Variants in ANKRD22 observed in about 807,000 individuals in gnomAD.
The protein encoded by ANKRD22 is ankyrin repeat domain-containing protein 22.
ANKRD22 carries 24 observed loss-of-function variants against 25.7 expected under a neutral mutation model. The ratio of observed to expected loss-of-function variants is 0.93; its 90% CI spans 0.68 to 1.31. ANKRD22 has a LOEUF of 1.31. ANKRD22 is among the 50% of genes most tolerant of loss of function. The pLI is 0.00. For missense variants in ANKRD22, 214 were observed against 227.1 expected (o/e 0.94, Z 0.37); for synonymous variants, 84 against 84.3 (o/e 1.00, Z 0.02).
chr10:88,851,354 T>G (rs1444841556), intron 1 of ANKRD22, among the ~76,000 whole-genome samples: 3 of 152,208 alleles, frequency 2.0e-5, no homozygotes, highest in African/African-American at 7.2e-5. Context: ...GTGTATTATA[T>G]TCATCTCAAC....
chr10:88,820,670 T>C lies in ANKRD22; in HGVS notation c.*2271A>G. On this transcript the variant is annotated 3_prime_UTR_variant, in exon 6 of 6. Coordinates refer to ENST00000371930, the MANE Select transcript of ANKRD22 (RefSeq NM_144590.3). ...TTTTTTTTCTGTAAATTAAAGTACT[T>C]ATTAGGTAAATAGAGGTTTTGTATG... 1 of 661,684 alleles carries C rather than the reference T, an allele frequency of 1.5e-6. No individual in the cohort carries two copies. Among genetic ancestry groups the C allele is most frequent in the Non-Finnish European group, 2.5e-6 (1 of 398,174 alleles). The allele number at this position is 661,684 out of a possible 1,614,324, so 41.0% of individuals were successfully genotyped here.
chr10:88,820,155 A>G lies in ANKRD22; in HGVS notation c.*2786T>C. 1 of 1,193,732 alleles carries G rather than the reference A, an allele frequency of 8.4e-7. No homozygotes were observed. The highest frequency in any genetic ancestry group is 1.2e-6 in the Non-Finnish European group (1 of 862,022). 73.9% of individuals were successfully genotyped at this position (1,193,732 alleles called of 1,614,324 possible). ...CACCACAACAGATGGCATGTTTATT[A>G]TGTCTATTTGAAACATAAATTATGA... On this transcript the variant is annotated 3_prime_UTR_variant, in exon 6 of 6. Coordinates refer to ENST00000371930, the MANE Select transcript of ANKRD22 (RefSeq NM_144590.3).
At chr10:88,830,709 C>T (rs1285141853) in intron 2 of ANKRD22, among the ~76,000 whole-genome samples, 1 of 152,178 alleles carries the variant, frequency 6.6e-6, no homozygotes, top group Non-Finnish European at 1.5e-5. Context: ...TCCTCTTCTG[C>T]AAAGCGGAGA....
Position 88,828,310 on chromosome 10 carries a change from G to A in ANKRD22, c.321+249C>T, listed in dbSNP as rs1843873480. On this transcript the variant is annotated intron_variant, in intron 3 of 5. Coordinates refer to ENST00000371930, the MANE Select transcript of ANKRD22 (RefSeq NM_144590.3). ...TCCCTTCAGAAAAGTCTTAGTTAAG[G>A]TTAAATTATTTTTCTAAATCAACAT... Among the ~76,000 whole-genome samples, 2 of 152,092 alleles carry A rather than the reference G, an allele frequency of 1.3e-5. 1 individual carries two copies. The highest frequency in any genetic ancestry group is 4.1e-4 in the South Asian group (2 of 4,822).
chr10:88,839,298 T>C (rs1211788107), intron 1 of ANKRD22, among the ~76,000 whole-genome samples: 1 of 152,144 alleles, frequency 6.6e-6, no homozygotes, highest in Admixed American at 6.6e-5. Flanking sequence ...CACTAATTGG[T>C]ATTGAAATGG....
rs1312804973 is a variant in ANKRD22, at chr10:88,821,961, G to T, written c.*980C>A. Among the ~76,000 whole-genome samples the T allele has an allele frequency of 6.6e-6, 1 of 152,140 alleles. No homozygotes were observed. The highest frequency in any genetic ancestry group is 1.5e-5 in the Non-Finnish European group (1 of 68,000). On this transcript the variant is annotated 3_prime_UTR_variant, in exon 6 of 6. Transcript: ENST00000371930. Reference sequence around the variant, plus strand: ...ATTGTATAGCTCTGTTTCTTTTGAAGAACTTTATCCAAATAAGTTACAATA... The same window carrying T: ...ATTGTATAGCTCTGTTTCTTTTGAATAACTTTATCCAAATAAGTTACAATA...
At position 88,821,328 on chromosome 10, in the gene ANKRD22, G is replaced by T. The variant is rs894916625; in HGVS notation, c.*1613C>A. ...ATCCTTTAATCTTGACAAAGTTAAT[G>T]TCAGACAGTCTCTGCAACTCATTGA... On this transcript the variant is annotated 3_prime_UTR_variant, in exon 6 of 6. Coordinates refer to ENST00000371930, the MANE Select transcript of ANKRD22 (RefSeq NM_144590.3). Among the ~76,000 whole-genome samples, 1 of 152,226 alleles carries T rather than the reference G, an allele frequency of 6.6e-6. No individual in the cohort carries two copies. The highest frequency in any genetic ancestry group is 1.5e-5 in the Non-Finnish European group (1 of 68,036).
At chr10:88,827,292 A>G (rs1843864450) in intron 3 of ANKRD22, among the ~76,000 whole-genome samples, 1 of 152,144 alleles carries the variant, frequency 6.6e-6, no homozygotes, top group Non-Finnish European at 1.5e-5. Context: ...ATTCATCACA[A>G]ATTTACAACT....
intron 1 of ANKRD22, among the ~76,000 whole-genome samples, chr10:88,848,150 G>GTATATATA (rs1253798666): frequency 1.5e-5 from 2 of 134,866 alleles, no homozygotes; most frequent in Admixed American, 1.5e-4. Context: ...ATATATGCGT[G>GTATATATA]TATATATATA....
rs754697559 is a variant in ANKRD22, at chr10:88,828,575, A to G, written c.305T>C (p.Ile102Thr). 1 of 1,606,912 alleles carries G rather than the reference A, an allele frequency of 6.2e-7. No homozygotes were observed. Among genetic ancestry groups the G allele is most frequent in the Non-Finnish European group, 8.5e-7 (1 of 1,174,466 alleles). The change falls in exon 3 of 6, where the codon ATT (isoleucine) becomes ACT (threonine). Residue 102 changes from isoleucine (I) to threonine (T), a missense_variant. Coordinates refer to ENST00000371930, the MANE Select transcript of ANKRD22 (RefSeq NM_144590.3). ...LIILLMPVLLIGYFLMVSKTK... is the reference protein window; with the variant it reads ...LIILLMPVLLTGYFLMVSKTK... ...TGTACTCACCATGAGGAAATACCCA[A>G]TAAGCAGAACAGGCATTAAGAGGAT...
At chr10:88,834,267 T>C (rs1843932243) in intron 1 of ANKRD22, among the ~76,000 whole-genome samples, 1 of 152,250 alleles carries the variant, frequency 6.6e-6, no homozygotes, top group South Asian at 2.1e-4. Flanking sequence ...AAAACAATAC[T>C]ATTATTTCAT....
intron 4 of ANKRD22, among the ~76,000 whole-genome samples, chr10:88,823,827 CAAAA>C (rs56194758): frequency 2.9e-5 from 3 of 103,802 alleles, no homozygotes; most frequent in African/African-American, 4.3e-5. Flanking sequence ...GACTCCGTCT[CAAAA>C]AAAAAAAAAA....
chr10:88,823,334 C>T lies in ANKRD22; in HGVS notation c.444G>A (p.Gln148=). 1.2e-6 allele frequency: 2 copies of T among 1,614,082 alleles called. No individual in the cohort carries two copies. The highest frequency in any genetic ancestry group is 1.7e-6 in the Non-Finnish European group (2 of 1,179,992). The change falls in exon 5 of 6, where the codon CAG becomes CAA. Residue 148 remains glutamine (Q), a synonymous_variant. Coordinates refer to ENST00000371930, the MANE Select transcript of ANKRD22 (RefSeq NM_144590.3). ...CTTCCAAGAGCAGAGGGATAAGAGA[C>T]TGGTTTTTCATTTCACAGGCATAAT... is the stretch of plus-strand genomic sequence containing the variant. ...ALHYACEMKN[Q]SLIPLLLEAR...
At chr10:88,827,005 T>C (rs563837150) in intron 3 of ANKRD22, among the ~76,000 whole-genome samples, 4 of 152,204 alleles carry the variant, frequency 2.6e-5, no homozygotes, top group Non-Finnish European at 5.9e-5. Flanking sequence ...AGAAATTCAC[T>C]TTTCCTTCCC....
intron 1 of ANKRD22, among the ~76,000 whole-genome samples, chr10:88,833,940 G>A (rs559186281): frequency 5.1e-4 from 78 of 152,256 alleles, no homozygotes; most frequent in African/African-American, 1.8e-3. Flanking sequence ...TACCTCCCCC[G>A]GTGACTGTGG....
intron 1 of ANKRD22, among the ~76,000 whole-genome samples, chr10:88,846,210 A>ACAC: frequency 6.6e-6 from 1 of 152,220 alleles, no homozygotes; most frequent in South Asian, 2.1e-4. Flanking sequence ...TACTTACTGA[A>ACAC]CATAGTTGCA....
At chr10:88,826,310 C>T (rs1226699256) in intron 3 of ANKRD22, among the ~76,000 whole-genome samples, 195 bp from the exon 4 acceptor site, 1 of 152,194 alleles carries the variant, frequency 6.6e-6, no homozygotes, top group African/African-American at 2.4e-5. Flanking sequence ...GACTGTGGTC[C>T]TGAAGTAGCG....
intron 1 of ANKRD22, among the ~76,000 whole-genome samples, chr10:88,838,946 A>G (rs140061996): frequency 4.6e-5 from 7 of 152,328 alleles, no homozygotes; most frequent in African/African-American, 1.4e-4. Context: ...ATGAGTTCCC[A>G]TGGGCTAACC....
intron 1 of ANKRD22, among the ~76,000 whole-genome samples, chr10:88,845,872 T>A (rs1223435133): frequency 6.6e-6 from 1 of 152,106 alleles, no homozygotes; most frequent in African/African-American, 2.4e-5. Context: ...CGCTTTCCAT[T>A]GTGTTTTGCA....
Sources: gnomAD v4.1 joint callset for allele counts (sites outside exome capture counted in the v4.1 genomes callset) on GRCh38, gnomAD v4.1.1 for gene constraint, MANE v1.5 for transcripts, NCBI Gene and HGNC (gene_info 2026-07-23, HGNC 2026-07-21) for gene names.